CFAP221: variants seen among roughly 807,000 people sequenced by gnomAD.
CFAP221 encodes cilia- and flagella-associated protein 221.
Under a neutral mutation model 113.1 loss-of-function variants are expected in CFAP221, and 97 were observed. The observed-to-expected ratio is 0.86, with a 90% confidence interval of 0.73 to 1.02. The LOEUF (loss-of-function observed/expected upper bound fraction) is 1.02. Among genes scored for constraint, CFAP221 ranks in the 50% least tolerant of loss-of-function variants. CFAP221 has a pLI of 0.00. For synonymous variants in CFAP221, 331 were observed against 354.4 expected, an observed-to-expected ratio of 0.93 and a Z score of 0.74; for missense variants, 1,025 against 1,013.4, an observed-to-expected ratio of 1.01 and a Z score of -0.16.
intron 3 of CFAP221, among the ~76,000 whole-genome samples, chr2:119,557,594 C>T (rs999652980): frequency 8.5e-5 from 13 of 152,178 alleles, no homozygotes; most frequent in Non-Finnish European, 1.6e-4. Flanking sequence ...TCTGAGTATC[C>T]TTTCTGCTAC....
At chr2:119,608,001 T>C (rs1241467890) in intron 11 of CFAP221, among the ~76,000 whole-genome samples, 1 of 152,234 alleles carries the variant, frequency 6.6e-6, no homozygotes, top group African/African-American at 2.4e-5. Context: ...ACCATATCTT[T>C]TCAGTTCTCT....
At chr2:119,576,166 T>G (rs1481769966) in intron 6 of CFAP221, among the ~76,000 whole-genome samples, 1 of 152,208 alleles carries the variant, frequency 6.6e-6, no homozygotes, top group African/African-American at 2.4e-5. Context: ...AACTAAAGTT[T>G]TATTTGGGAA....
At chr2:119,640,389 G>A (rs1687411242) in intron 21 of CFAP221, among the ~76,000 whole-genome samples, 1 of 152,142 alleles carries the variant, frequency 6.6e-6, no homozygotes, top group African/African-American at 2.4e-5. Context: ...GGGTAGATCA[G>A]AATATTGTTG....
intron 16 of CFAP221, among the ~76,000 whole-genome samples, chr2:119,628,823 T>C (rs770146248): frequency 6.6e-6 from 1 of 152,186 alleles, no homozygotes; most frequent in Non-Finnish European, 1.5e-5. Flanking sequence ...AATCCTGTGA[T>C]TTTCAAGCAA....
At chr2:119,628,448 A>G (rs1686532527) in intron 16 of CFAP221, among the ~76,000 whole-genome samples, 1 of 152,226 alleles carries the variant, frequency 6.6e-6, no homozygotes, top group Non-Finnish European at 1.5e-5. Flanking sequence ...TTTACTATAC[A>G]TCAGGCAGTG....
At chr2:119,581,204 ACCC>A in intron 6 of CFAP221, among the ~76,000 whole-genome samples, 1 of 152,208 alleles carries the variant, frequency 6.6e-6, no homozygotes, top group Non-Finnish European at 1.5e-5. Context: ...GAAAGCCAAA[ACCC>A]AACAATCAGA....
chr2:119,547,314 C>G (rs998518546), intron 2 of CFAP221, among the ~76,000 whole-genome samples: 1 of 152,164 alleles, frequency 6.6e-6, no homozygotes, highest in African/African-American at 2.4e-5. Flanking sequence ...AATCCCAGCA[C>G]TTTGGGAGGC....
intron 3 of CFAP221, among the ~76,000 whole-genome samples, chr2:119,553,792 G>T (rs988531288): frequency 6.6e-6 from 1 of 152,170 alleles, no homozygotes; most frequent in South Asian, 2.1e-4. Context: ...CTGCAGAATG[G>T]AGACCATGTC....
chr2:119,575,904 T>C (rs1410966251), intron 6 of CFAP221, among the ~76,000 whole-genome samples: 1 of 152,206 alleles, frequency 6.6e-6, no homozygotes. Flanking sequence ...CTTCACTTCC[T>C]TTACCAAGTA....
chr2:119,571,328 C>T (rs1053321593), intron 6 of CFAP221, among the ~76,000 whole-genome samples: 3 of 151,946 alleles, frequency 2.0e-5, no homozygotes, highest in South Asian at 2.1e-4. Context: ...TTAGTAGAGA[C>T]GGGGTTTCGC....
chr2:119,586,400 G>A (rs1008161921), intron 6 of CFAP221, among the ~76,000 whole-genome samples: 1 of 152,126 alleles, frequency 6.6e-6, no homozygotes, highest in Non-Finnish European at 1.5e-5. Context: ...GAAGCATGGG[G>A]CACTCCAAGA....
intron 11 of CFAP221, among the ~76,000 whole-genome samples, chr2:119,608,086 C>T (rs1684894933): frequency 6.6e-6 from 1 of 152,176 alleles, no homozygotes; most frequent in Admixed American, 6.5e-5. Context: ...TGCCACCAAA[C>T]TGTTTTCCAT....
At chr2:119,609,749 G>C (rs1685023539) in intron 12 of CFAP221, among the ~76,000 whole-genome samples, 1 of 152,156 alleles carries the variant, frequency 6.6e-6, no homozygotes, top group African/African-American at 2.4e-5. Context: ...TTTTGAGCTG[G>C]GTAATGTGAG....
At chr2:119,627,518 G>GATATATAT (rs57740311) in intron 15 of CFAP221, 135 bp from the exon 16 acceptor site, 7 of 419,024 alleles carry the variant, frequency 1.7e-5, no homozygotes, top group African/African-American at 1.5e-4. Context: ...AGTAAAAGTG[G>GATATATAT]ATATATATAT....
intron 6 of CFAP221, among the ~76,000 whole-genome samples, chr2:119,565,194 T>C (rs969676816): frequency 6.6e-6 from 1 of 152,124 alleles, no homozygotes; most frequent in South Asian, 2.1e-4. Flanking sequence ...CTGTGTTCGC[T>C]CACTCCTCCT....
chr2:119,546,115 C>G lies in CFAP221; in HGVS notation c.-17C>G. ...GACCTTTGGCTCTAAAAAGAAGACT[C>G]CATTTTTCATGATAAAATGGCAGTG... On this transcript the variant is annotated 5_prime_UTR_variant, in exon 2 of 24. Transcript: ENST00000413369. 7 of 1,522,890 alleles carry G rather than the reference C, an allele frequency of 4.6e-6. No homozygotes were observed. Among genetic ancestry groups the G allele is most frequent in the Non-Finnish European group, 6.1e-6 (7 of 1,143,566 alleles). The allele number at this position is 1,522,890 out of a possible 1,614,324, so 94.3% of individuals were successfully genotyped here.
chr2:119,642,969 T>A lies in CFAP221; in HGVS notation c.2225+3097T>A, dbSNP rs1574220973. ...GGTTAAGTTCTTGTTATTTTTAATG[T>A]AAATAGGGATAGGGTCTTGCTATGT... On this transcript the variant is annotated intron_variant, in intron 21 of 23. Coordinates refer to ENST00000413369, the MANE Select transcript of CFAP221 (RefSeq NM_001271049.2). 2.6e-5 allele frequency among the ~76,000 whole-genome samples: 4 copies of A among 151,372 alleles called. No homozygotes were observed. In the East Asian group the frequency reaches 5.9e-4, roughly 22 times the overall value.
At position 119,560,045 on chromosome 2, in the gene CFAP221, C is replaced by CAT; in HGVS notation, c.426+19_426+20insAT. ...CTGTAAGGTAGGTCTCTTAAAATTG[C>CAT]TTTTTTTTTTTTTTTTTTTTGATGG... On this transcript the variant is annotated intron_variant, in intron 5 of 23. Transcript: ENST00000413369. 3 of 875,466 alleles carry CAT rather than the reference C, an allele frequency of 3.4e-6. No homozygotes were observed. The highest frequency in any genetic ancestry group is 3.7e-5 in the South Asian group (2 of 53,866). 54.2% of individuals were successfully genotyped at this position (875,466 alleles called of 1,614,324 possible).
chr2:119,603,894 G>A (rs1435873718), intron 8 of CFAP221, among the ~76,000 whole-genome samples: 1 of 152,048 alleles, frequency 6.6e-6, no homozygotes, highest in Non-Finnish European at 1.5e-5. Context: ...TAGCTTCTGC[G>A]GGCTATTAGC....
Sources: gnomAD v4.1 joint callset for allele counts (sites outside exome capture counted in the v4.1 genomes callset) on GRCh38, gnomAD v4.1.1 for gene constraint, MANE v1.5 for transcripts, NCBI Gene and HGNC (gene_info 2026-07-23, HGNC 2026-07-21) for gene names.